The following STK33 variants were observed in gnomAD, a reference collection of about 807,000 sequenced individuals.
The protein encoded by STK33 is serine/threonine kinase 33.
A neutral mutation model predicts 58.0 loss-of-function variants in STK33; 52 were observed. That is an observed-to-expected ratio of 0.90 (90% CI 0.72 to 1.13). STK33 has a LOEUF of 1.13. Ranked by LOEUF, STK33 falls within the 50% of genes most tolerant of loss-of-function variation. The pLI, the probability that STK33 is intolerant of heterozygous loss-of-function variation, is 0.00. For synonymous variants in STK33, 215 were observed against 200.1 expected (o/e 1.07, Z -0.63); for missense variants, 630 against 604.2 (o/e 1.04, Z -0.45).
chr11:8,585,948 G>T (rs1243877197), intron 1 of STK33, among the ~76,000 whole-genome samples: 1 of 152,134 alleles, frequency 6.6e-6, no homozygotes, highest in African/African-American at 2.4e-5. Flanking sequence ...AGCTACTTGG[G>T]AGGCTGAGAC....
chr11:8,399,045 T>G (rs1321491449), intron 15 of STK33, among the ~76,000 whole-genome samples: 1 of 152,112 alleles, frequency 6.6e-6, no homozygotes, highest in Non-Finnish European at 1.5e-5. Context: ...ACTGTCAACA[T>G]TAGACAGATC....
At chr11:8,443,462 C>A (rs1454713787) in intron 11 of STK33, among the ~76,000 whole-genome samples, 1 of 152,136 alleles carries the variant, frequency 6.6e-6, no homozygotes, top group Non-Finnish European at 1.5e-5. Context: ...AACTAACATG[C>A]ATTCCATGCA....
intron 15 of STK33, among the ~76,000 whole-genome samples, chr11:8,399,847 G>A (rs956892784): frequency 5.1e-4 from 78 of 152,312 alleles, no homozygotes; most frequent in African/African-American, 1.8e-3. Flanking sequence ...ACACCTCTAT[G>A]CAAATAAACT....
intron 1 of STK33, among the ~76,000 whole-genome samples, chr11:8,518,071 A>G (rs1952982518): frequency 6.6e-6 from 1 of 152,200 alleles, no homozygotes; most frequent in Non-Finnish European, 1.5e-5. Flanking sequence ...GAAGGAAAAA[A>G]TGTTAAGGGC....
intron 1 of STK33, among the ~76,000 whole-genome samples, chr11:8,487,524 T>C (rs1314792513): frequency 6.6e-6 from 1 of 150,752 alleles, no homozygotes; most frequent in African/African-American, 2.4e-5. Context: ...AGGAAGGATA[T>C]GTAGAATGGA....
chr11:8,396,613 G>C (rs1849388949), intron 15 of STK33, among the ~76,000 whole-genome samples: 1 of 152,342 alleles, frequency 6.6e-6, no homozygotes, highest in African/African-American at 2.4e-5. Context: ...TCACTGGGGA[G>C]TGTTGGACAG....
the STK33 span, among the ~76,000 whole-genome samples, chr11:8,346,720 AC>A: frequency 6.6e-6 from 1 of 151,554 alleles, no homozygotes; most frequent in Non-Finnish European, 1.5e-5. Flanking sequence ...GTGTCTTCCC[AC>A]CCCGACCCCT....
At chr11:8,509,428 A>G (rs1051648085) in intron 1 of STK33, among the ~76,000 whole-genome samples, 1 of 152,232 alleles carries the variant, frequency 6.6e-6, no homozygotes, top group Non-Finnish European at 1.5e-5. Flanking sequence ...TAGGGTTTAA[A>G]TAACTTATTA....
At chr11:8,489,257 C>CAAAAAAAA (rs377017514) in intron 1 of STK33, among the ~76,000 whole-genome samples, 1 of 64,360 alleles carries the variant, frequency 1.6e-5, no homozygotes, top group Non-Finnish European at 2.9e-5. Flanking sequence ...AAGCTATCTC[C>CAAAAAAAA]AAAAAAAAAA....
In STK33 at chr11:8,474,666, A is replaced by G. The variant is rs1393249775; in HGVS notation, c.225+15T>C. On this transcript the variant is annotated intron_variant, in intron 5 of 15. Transcript: ENST00000687296. ...ATGTCAACTTGTGCTTAGATGTGGA[A>G]TCTTTGATATTTACCAAATCTTTCC... 2 of 1,580,290 alleles carry G rather than the reference A, an allele frequency of 1.3e-6. No individual in the cohort carries two copies. The highest frequency in any genetic ancestry group is 2.2e-5 in the East Asian group (1 of 44,562).
Position 8,413,425 on chromosome 11 carries a change from C to CA in STK33, c.1344+69dup, listed in dbSNP as rs3833784. On this transcript the variant is annotated intron_variant, in intron 15 of 15. Transcript: ENST00000687296. Reference sequence around the variant, plus strand: ...AACTAACAACAAAAAGACAGATTTGCAAAAAAAATGTTCCAGGTGTGGTGA... The same window carrying CA: ...AACTAACAACAAAAAGACAGATTTGCAAAAAAAAATGTTCCAGGTGTGGTGA... 42 of 1,543,764 alleles carry CA rather than the reference C, an allele frequency of 2.7e-5. No individual in the cohort carries two copies. The Admixed American group carries it at 3.0e-4, about 11-fold the overall frequency.
chr11:8,548,707 C>T (rs1956110841), intron 1 of STK33, among the ~76,000 whole-genome samples: 1 of 152,186 alleles, frequency 6.6e-6, no homozygotes, highest in Admixed American at 6.5e-5. Context: ...AGTATGAACA[C>T]TTCAACAATA....
At chr11:8,575,638 G>C (rs1367394841) in intron 1 of STK33, among the ~76,000 whole-genome samples, 2 of 152,110 alleles carry the variant, frequency 1.3e-5, no homozygotes, top group Non-Finnish European at 2.9e-5. Flanking sequence ...GTTTCTGTTT[G>C]GGGTGTTGAA....
chr11:8,506,243 T>A (rs1268684964), intron 1 of STK33, among the ~76,000 whole-genome samples: 2 of 152,204 alleles, frequency 1.3e-5, no homozygotes. Context: ...AAGTTACCCT[T>A]ACTAACTTTG....
chr11:8,424,184 T>A (rs1055389604), intron 14 of STK33, among the ~76,000 whole-genome samples: 2 of 132,478 alleles, frequency 1.5e-5, no homozygotes. Flanking sequence ...TTCCCCTTCC[T>A]GTGTCCTAGT....
At chr11:8,455,530 C>T (rs995829462) in intron 9 of STK33, among the ~76,000 whole-genome samples, 1 of 152,090 alleles carries the variant, frequency 6.6e-6, no homozygotes, top group Non-Finnish European at 1.5e-5. Flanking sequence ...TATACACGGC[C>T]AGGCGCAGTG....
chr11:8,425,943 A>T (rs1477414842), intron 14 of STK33, among the ~76,000 whole-genome samples: 1 of 151,900 alleles, frequency 6.6e-6, no homozygotes, highest in East Asian at 1.9e-4. Context: ...TCTGGAGGTG[A>T]ATGTTTACAG....
At chr11:8,429,326 T>C (rs542588168) in intron 14 of STK33, among the ~76,000 whole-genome samples, 3 of 152,322 alleles carry the variant, frequency 2.0e-5, no homozygotes, top group East Asian at 1.9e-4. Context: ...AAAATTCTTT[T>C]TTGTTATCAT....
the STK33 span, among the ~76,000 whole-genome samples, chr11:8,348,732 T>C: frequency 6.6e-6 from 1 of 152,326 alleles, no homozygotes; most frequent in East Asian, 1.9e-4. Flanking sequence ...ATTCTTGATG[T>C]GTCTGTTCCA....
Sources: allele counts gnomAD v4.1 joint callset (sites outside exome capture counted in the v4.1 genomes callset), GRCh38; gene constraint gnomAD v4.1.1; transcripts MANE v1.5; gene names NCBI Gene and HGNC (gene_info 2026-07-23, HGNC 2026-07-21).